The following GLT8D2 variants were observed in gnomAD, a reference collection of about 807,000 sequenced individuals.
GLT8D2 encodes glycosyltransferase 8 domain containing 2.
A neutral mutation model predicts 44.5 loss-of-function variants in GLT8D2; 45 were observed. That is an observed-to-expected ratio of 1.01 (90% confidence interval 0.80 to 1.30). GLT8D2 has a LOEUF of 1.30. Ranked by LOEUF, GLT8D2 falls within the 50% of genes most tolerant of loss-of-function variation. GLT8D2 has a pLI of 0.00. For synonymous variants in GLT8D2, 156 were observed against 157.2 expected (o/e 0.99, Z 0.06); for missense variants, 400 against 430.4 (o/e 0.93, Z 0.62).
intron 4 of GLT8D2, among the ~76,000 whole-genome samples, chr12:104,012,189 A>AATATATATATATATAT (rs71069712): frequency 2.0e-5 from 2 of 98,454 alleles, no homozygotes; most frequent in Non-Finnish European, 3.8e-5. Context: ...AAAAAAAAAA[A>AATATATATATATATAT]ATATATATAT....
chr12:104,010,346 C>T (rs779748512), intron 4 of GLT8D2, among the ~76,000 whole-genome samples: 4 of 152,206 alleles, frequency 2.6e-5, no homozygotes, highest in Non-Finnish European at 4.4e-5. Context: ...CTTCCCAATG[C>T]CTGGAATGAT....
chr12:104,016,145 C>T (rs996004770), intron 3 of GLT8D2, among the ~76,000 whole-genome samples: 6 of 152,166 alleles, frequency 3.9e-5, no homozygotes, highest in Non-Finnish European at 5.9e-5. Flanking sequence ...ACGCAGCCAT[C>T]CTTGTCGTGT....
intron 4 of GLT8D2, among the ~76,000 whole-genome samples, chr12:104,008,378 C>T (rs746866089): frequency 3.3e-5 from 5 of 152,002 alleles, no homozygotes; most frequent in African/African-American, 9.7e-5. Context: ...TTTGCCCTGC[C>T]CTAGGGATTT....
intron 1 of GLT8D2, among the ~76,000 whole-genome samples, chr12:104,059,829 C>G (rs919935721): frequency 2.0e-5 from 3 of 152,180 alleles, no homozygotes; most frequent in African/African-American, 7.2e-5. Flanking sequence ...GCAACTGGAT[C>G]CTTCTTCTGG....
chr12:104,016,747 G>GAAAGAA (rs1432871977), intron 3 of GLT8D2, among the ~76,000 whole-genome samples: 4 of 100,496 alleles, frequency 4.0e-5, no homozygotes, highest in Admixed American at 3.5e-4. Flanking sequence ...AAGAAAGAAA[G>GAAAGAA]AAAGAAAGAA....
intron 1 of GLT8D2, among the ~76,000 whole-genome samples, chr12:104,048,118 T>G: frequency 6.6e-6 from 1 of 152,350 alleles, no homozygotes; most frequent in East Asian, 1.9e-4. Context: ...GATAATCTTA[T>G]GTCCTTAACT....
rs1427902101 is a variant in GLT8D2, at chr12:104,003,032, A to C, written c.284+103T>G. The C allele has an allele frequency of 3.7e-6, 3 of 818,404 alleles. No homozygotes were observed. The East Asian group carries it at 7.4e-5, about 20-fold the overall frequency. 50.7% of individuals were successfully genotyped at this position (818,404 alleles called of 1,614,324 possible). A position where few individuals can be genotyped will look rare whatever the true frequency, so the allele number is the denominator to read the frequency against. On this transcript the variant is annotated intron_variant, in intron 5 of 10. Transcript: ENST00000360814. ...AGAAAGAGAGAAAGGGAGAGAAGGC[A>C]AGAAAGAAAGAAAAGAAGAAGAAGA...
chr12:104,010,881 A>C (rs1276142025), intron 4 of GLT8D2, among the ~76,000 whole-genome samples: 1 of 152,216 alleles, frequency 6.6e-6, no homozygotes, highest in Admixed American at 6.5e-5. Context: ...GGAAGGGTAA[A>C]AAAGCTGGGG....
intron 1 of GLT8D2, among the ~76,000 whole-genome samples, chr12:104,057,741 G>A (rs75419771): frequency 6.6e-6 from 1 of 152,108 alleles, no homozygotes; most frequent in East Asian, 1.9e-4. Context: ...TGCATATCAT[G>A]TTTACAGAAC....
At chr12:103,992,363 C>G (rs1199492762) in intron 10 of GLT8D2, among the ~76,000 whole-genome samples, 1 of 152,154 alleles carries the variant, frequency 6.6e-6, no homozygotes, top group African/African-American at 2.4e-5. Flanking sequence ...TGAATTCATC[C>G]TAAGCCATTA....
At chr12:104,062,069 T>TTTTG (rs1016705678) in intron 1 of GLT8D2, among the ~76,000 whole-genome samples, 78 of 151,846 alleles carry the variant, frequency 5.1e-4, no homozygotes, top group African/African-American at 1.6e-3. Context: ...CTTTTGGGGT[T>TTTTG]TTTGTTTGTT....
upstream of GLT8D2, among the ~76,000 whole-genome samples, chr12:104,052,196 G>C (rs1447165155): frequency 6.6e-6 from 1 of 152,216 alleles, no homozygotes; most frequent in African/African-American, 2.4e-5. Flanking sequence ...AATGTGGCTA[G>C]TGGCTACTAT....
chr12:103,994,295 T>C, intron 9 of GLT8D2, 40 bp downstream of exon 9: 1 of 1,554,036 alleles, frequency 6.4e-7, no homozygotes, highest in Non-Finnish European at 8.8e-7. Context: ...ATGATTTTGT[T>C]TCCAAGCATG....
In GLT8D2 at chr12:103,989,583, T is replaced by C. The variant is rs780384630; in HGVS notation, c.881-6A>G. The C allele has an allele frequency of 1.9e-6, 3 of 1,603,758 alleles. No individual in the cohort carries two copies. Among genetic ancestry groups the C allele is most frequent in the South Asian group, 2.2e-5 (2 of 89,232 alleles). On this transcript the variant is annotated splice_region_variant and splice_polypyrimidine_tract_variant and intron_variant, in intron 10 of 10. Transcript: ENST00000360814. ...TCTGGCATCTGGATTCCAGCCTTCA[T>C]TGTGTATAGAGAAAAAATAATAGGC... is the stretch of plus-strand genomic sequence containing the variant.
chr12:104,012,364 T>A (rs1011185497), intron 4 of GLT8D2, among the ~76,000 whole-genome samples: 2 of 152,090 alleles, frequency 1.3e-5, no homozygotes, highest in East Asian at 1.9e-4. Flanking sequence ...TTTTAAAAAA[T>A]TTTAACACTG....
chr12:104,023,141 A>T (rs1359397160), intron 1 of GLT8D2, among the ~76,000 whole-genome samples: 1 of 152,186 alleles, frequency 6.6e-6, no homozygotes. Context: ...ATTGCTATGC[A>T]TCAGGGGGAG....
At chr12:104,026,449 G>A (rs988949103) in intron 1 of GLT8D2, among the ~76,000 whole-genome samples, 4 of 152,044 alleles carry the variant, frequency 2.6e-5, no homozygotes, top group African/African-American at 9.7e-5. Flanking sequence ...AAATCAAGAA[G>A]GCTAAGACAC....
At chr12:104,045,958 TAAGAA>T (rs1177253316) in intron 1 of GLT8D2, among the ~76,000 whole-genome samples, 1 of 132,636 alleles carries the variant, frequency 7.5e-6, no homozygotes, top group African/African-American at 2.9e-5. Flanking sequence ...AGAAAGAAAA[TAAGAA>T]AGAAAGAAAG....
chr12:104,000,682 C>A (rs1874091144), intron 5 of GLT8D2, among the ~76,000 whole-genome samples: 1 of 152,178 alleles, frequency 6.6e-6, no homozygotes. Flanking sequence ...CTTATACATG[C>A]CATCCTTTTG....
Sources: gnomAD v4.1 joint callset for allele counts (sites outside exome capture counted in the v4.1 genomes callset) on GRCh38, gnomAD v4.1.1 for gene constraint, MANE v1.5 for transcripts, NCBI Gene and HGNC (gene_info 2026-07-23, HGNC 2026-07-21) for gene names.